The following PCDH11X variants were observed in gnomAD, a reference collection of about 807,000 sequenced individuals.
The protein encoded by PCDH11X is protocadherin 11 X-linked, also known as protocadherin-11 X-linked.
Under a neutral mutation model 53.3 loss-of-function variants are expected in PCDH11X, and 18 were observed. That is an observed-to-expected ratio of 0.34 (90% CI 0.23 to 0.50). The LOEUF is 0.50. Among genes scored for constraint, PCDH11X ranks in the 20% least tolerant of loss-of-function variants. PCDH11X has a pLI of 0.98. For synonymous variants in PCDH11X, 279 were observed against 393.3 expected, an observed-to-expected ratio of 0.71 and a Z score of 3.44; for missense variants, 570 against 1,032.4, an observed-to-expected ratio of 0.55 and a Z score of 6.14.
chrX:92,050,466 CA>C (rs1442407076), intron 6 of PCDH11X, among the ~76,000 whole-genome samples: 2 of 109,572 alleles, frequency 1.8e-5, no homozygotes, highest in Non-Finnish European at 3.8e-5. Flanking sequence ...AGTATATGTA[CA>C]GTACACTTTT....
At chrX:92,295,625 T>A (rs1267270584) in intron 8 of PCDH11X, among the ~76,000 whole-genome samples, 1 of 109,549 alleles carries the variant, frequency 9.1e-6, no homozygotes, top group African/African-American at 3.3e-5. Context: ...TTAATTATGA[T>A]GTTAGCTGTG....
chrX:92,224,277 A>G (rs2066930838), intron 7 of PCDH11X, among the ~76,000 whole-genome samples: 1 of 112,314 alleles, frequency 8.9e-6, no homozygotes, highest in East Asian at 2.8e-4. Context: ...ACACTGGGGT[A>G]ATTTTACCAG....
intron 10 of PCDH11X, among the ~76,000 whole-genome samples, chrX:92,530,750 A>T (rs1048401761): frequency 3.6e-5 from 4 of 112,107 alleles, no homozygotes; most frequent in Non-Finnish European, 5.7e-5. Flanking sequence ...TACCATAGAA[A>T]CAATTGTATT....
At chrX:92,119,551 A>T (rs749471558) in intron 6 of PCDH11X, among the ~76,000 whole-genome samples, 2 of 111,636 alleles carry the variant, frequency 1.8e-5, no homozygotes, top group Admixed American at 1.9e-4. Context: ...TATTAGAAAG[A>T]TAGGAAATTG....
intron 6 of PCDH11X, among the ~76,000 whole-genome samples, chrX:92,143,909 G>A (rs772070780): frequency 8.9e-6 from 1 of 111,790 alleles, no homozygotes; most frequent in Non-Finnish European, 1.9e-5. Context: ...CAAGGGCAGA[G>A]CTGCCCAAGA....
intron 6 of PCDH11X, among the ~76,000 whole-genome samples, chrX:91,949,235 G>T (rs2061610495): frequency 9.2e-6 from 1 of 108,847 alleles, no homozygotes; most frequent in Non-Finnish European, 1.9e-5. Context: ...GGAAGATTCT[G>T]ACAAAGATGA....
intron 10 of PCDH11X, among the ~76,000 whole-genome samples, chrX:92,549,272 C>T (rs763381811): frequency 2.4e-4 from 26 of 107,771 alleles, no homozygotes; most frequent in African/African-American, 8.7e-4. Flanking sequence ...CTTATATTGC[C>T]TTATTTTGTA....
At chrX:92,210,313 A>G (rs1477984363) in intron 7 of PCDH11X, among the ~76,000 whole-genome samples, 4 of 90,364 alleles carry the variant, frequency 4.4e-5, no homozygotes, top group African/African-American at 8.8e-5. Flanking sequence ...ATCTCAGCTC[A>G]CTGCAAGCTC....
intron 6 of PCDH11X, among the ~76,000 whole-genome samples, chrX:92,030,782 T>A (rs1369647864): frequency 9.2e-6 from 1 of 108,287 alleles, no homozygotes; most frequent in African/African-American, 3.4e-5. Context: ...CTTAACCCAA[T>A]GATCTTCAAT....
chrX:92,115,486 G>A (rs1380369367), intron 6 of PCDH11X, among the ~76,000 whole-genome samples: 1 of 110,432 alleles, frequency 9.1e-6, no homozygotes, highest in Admixed American at 9.8e-5. Context: ...ATATTAAAGG[G>A]AGTTTATTAA....
chrX:92,427,261 G>C (rs370276472), intron 9 of PCDH11X, among the ~76,000 whole-genome samples: 1 of 105,696 alleles, frequency 9.5e-6, no homozygotes, highest in Non-Finnish European at 1.9e-5. Flanking sequence ...AATTCTAAAA[G>C]CATTAAGTTT....
At chrX:92,355,725 C>A (rs1407046092) in intron 8 of PCDH11X, among the ~76,000 whole-genome samples, 2 of 108,746 alleles carry the variant, frequency 1.8e-5, no homozygotes, top group Non-Finnish European at 3.8e-5. Context: ...CTTACAGTTA[C>A]CCAATTTTGA....
At chrX:91,904,123 G>A (rs1334139936) in intron 6 of PCDH11X, among the ~76,000 whole-genome samples, 1 of 110,922 alleles carries the variant, frequency 9.0e-6, no homozygotes, top group African/African-American at 3.3e-5. Context: ...GAGAAGATGG[G>A]TGTGGGGATT....
intron 6 of PCDH11X, among the ~76,000 whole-genome samples, chrX:92,144,120 A>G (rs1381658136): frequency 9.0e-6 from 1 of 111,404 alleles, no homozygotes; most frequent in Non-Finnish European, 1.9e-5. Flanking sequence ...GTATCTAGGA[A>G]GTAACCAGCT....
intron 6 of PCDH11X, among the ~76,000 whole-genome samples, chrX:92,078,573 G>C (rs1399802405): frequency 1.8e-5 from 2 of 111,021 alleles, no homozygotes; most frequent in Non-Finnish European, 3.8e-5. Flanking sequence ...AACACTGTTT[G>C]TATAGCATGG....
chrX:92,472,164 T>C (rs1483290906), intron 10 of PCDH11X, among the ~76,000 whole-genome samples: 1 of 110,361 alleles, frequency 9.1e-6, no homozygotes, highest in Non-Finnish European at 1.9e-5. Context: ...ATTTTTTTTA[T>C]GAAACTTTTG....
intron 10 of PCDH11X, among the ~76,000 whole-genome samples, chrX:92,512,201 G>A (rs2074173368): frequency 9.1e-6 from 1 of 109,539 alleles, no homozygotes; most frequent in South Asian, 3.9e-4. Flanking sequence ...GCATATTAAT[G>A]CACACACCTG....
chrX:92,422,911 C>G (rs1025601466), intron 9 of PCDH11X, among the ~76,000 whole-genome samples: 3 of 108,974 alleles, frequency 2.8e-5, no homozygotes, highest in African/African-American at 9.9e-5. Flanking sequence ...TGCAGTGGCA[C>G]GATATCGGCT....
At chrX:91,869,967 T>C (rs777239516) in intron 5 of PCDH11X, among the ~76,000 whole-genome samples, 77 of 111,991 alleles carry the variant, frequency 6.9e-4, no homozygotes, top group Middle Eastern at 4.6e-3. Context: ...AAATGATTGG[T>C]TCCTCCTAGG....
Sources: gnomAD v4.1 joint callset for allele counts (sites outside exome capture counted in the v4.1 genomes callset) on GRCh38, gnomAD v4.1.1 for gene constraint, MANE v1.5 for transcripts, NCBI Gene and HGNC (gene_info 2026-07-23, HGNC 2026-07-21) for gene names.